Variants in PCDH9 observed in about 807,000 individuals in gnomAD.
The protein encoded by PCDH9 is protocadherin 9.
Under a neutral mutation model 70.6 loss-of-function variants are expected in PCDH9, and 24 were observed. The ratio of observed to expected loss-of-function variants is 0.34; its 90% CI spans 0.25 to 0.48. The LOEUF is 0.48. PCDH9 is among the 20% of genes least tolerant of loss of function. The pLI, the probability that PCDH9 is intolerant of heterozygous loss-of-function variation, is 0.99. For missense variants in PCDH9, 1,281 were observed against 1,503.6 expected (o/e 0.85, Z 2.45); for synonymous variants, 562 against 558.5 (o/e 1.01, Z -0.09).
chr13:66,320,411 A>G (rs977319594), intron 4 of PCDH9, among the ~76,000 whole-genome samples: 1 of 152,010 alleles, frequency 6.6e-6, no homozygotes, highest in African/African-American at 2.4e-5. Flanking sequence ...TTTCTCCCTA[A>G]TAAAAGTGAA....
At chr13:66,494,424 G>A (rs1566368934) in intron 4 of PCDH9, among the ~76,000 whole-genome samples, 1 of 152,150 alleles carries the variant, frequency 6.6e-6, no homozygotes, top group Non-Finnish European at 1.5e-5. Flanking sequence ...AAATCTAATG[G>A]AGGTAGCTTT....
At chr13:67,104,275 G>A (rs193198589) in intron 2 of PCDH9, among the ~76,000 whole-genome samples, 2 of 152,172 alleles carry the variant, frequency 1.3e-5, no homozygotes, top group African/African-American at 2.4e-5. Context: ...TGAACCATTG[G>A]AAACTCAAAT....
At chr13:66,493,401 A>G (rs1959064596) in intron 4 of PCDH9, among the ~76,000 whole-genome samples, 4 of 152,180 alleles carry the variant, frequency 2.6e-5, no homozygotes, top group African/African-American at 9.6e-5. Flanking sequence ...TAACAGTTGT[A>G]TTAGTAAACT....
chr13:66,870,385 A>G (rs1426985184), intron 3 of PCDH9, among the ~76,000 whole-genome samples: 1 of 152,106 alleles, frequency 6.6e-6, no homozygotes, highest in East Asian at 1.9e-4. Context: ...CTTTTGACAA[A>G]TGGGATCTAA....
chr13:67,205,453 A>G (rs1196617066), intron 2 of PCDH9: 1 of 152,192 alleles, frequency 6.6e-6, no homozygotes, highest in Non-Finnish European at 1.5e-5. Context: ...CAAGCTTTGG[A>G]AAATAACTGA....
At chr13:66,472,400 T>C (rs1392023661) in intron 4 of PCDH9, among the ~76,000 whole-genome samples, 1 of 151,302 alleles carries the variant, frequency 6.6e-6, no homozygotes. Context: ...CAAAACCTCA[T>C]CTCTACAAAA....
chr13:66,827,391 C>G (rs897209213), intron 3 of PCDH9, among the ~76,000 whole-genome samples: 1 of 148,538 alleles, frequency 6.7e-6, no homozygotes, highest in Non-Finnish European at 1.5e-5. Context: ...AAAGAGAAAG[C>G]TTAGAGAGGT....
intron 2 of PCDH9, among the ~76,000 whole-genome samples, chr13:67,041,271 ATTGT>A (rs1333400464): frequency 1.6e-4 from 25 of 152,308 alleles, no homozygotes; most frequent in African/African-American, 5.8e-4. Flanking sequence ...AAAACTATGA[ATTGT>A]TTATTTCTGG....
chr13:66,721,921 A>G (rs943044998), intron 3 of PCDH9, among the ~76,000 whole-genome samples: 5 of 152,130 alleles, frequency 3.3e-5, no homozygotes, highest in African/African-American at 9.7e-5. Context: ...CGAGCATCCA[A>G]TTTATAACTT....
chr13:66,666,232 G>C (rs532465027), intron 3 of PCDH9, among the ~76,000 whole-genome samples: 14 of 152,154 alleles, frequency 9.2e-5, no homozygotes, highest in Non-Finnish European at 1.8e-4. Context: ...CTTTTCGCTG[G>C]AGTAGAGAGG....
intron 3 of PCDH9, among the ~76,000 whole-genome samples, chr13:66,730,364 C>T (rs533197052): frequency 4.8e-4 from 73 of 152,216 alleles, no homozygotes; most frequent in Admixed American, 1.0e-3. Flanking sequence ...CTGTCTGTGA[C>T]GAAATGTGGT....
intron 2 of PCDH9, among the ~76,000 whole-genome samples, chr13:67,151,467 G>C (rs1409475663): frequency 6.6e-6 from 1 of 151,984 alleles, no homozygotes; most frequent in African/African-American, 2.4e-5. Flanking sequence ...GGGTTCTACT[G>C]GTAAACTCAG....
intron 3 of PCDH9, among the ~76,000 whole-genome samples, chr13:66,770,816 A>T (rs1265539725): frequency 6.6e-6 from 1 of 152,154 alleles, no homozygotes; most frequent in Non-Finnish European, 1.5e-5. Context: ...TGTCTCTTCA[A>T]GACTATTCTG....
chr13:67,226,618 G>A lies in PCDH9; in HGVS notation c.1823C>T (p.Thr608Ile). Residue 608 changes from threonine (T) to isoleucine (I), a missense_variant, in exon 2 of 5, where the codon ACT becomes ATT. Transcript: ENST00000377865. The surrounding 1 kb of genome is among the most constrained non-coding windows in gnomAD (Gnocchi z 5.0). ...DADAGENKAVTLSILNDNDNF... is the reference protein window; with the variant it reads ...DADAGENKAVILSILNDNDNF... ...ATCATTGTCATTTAGAATGGAAAGA[G>A]TCACAGCTTTATTCTCTCCAGCATC... is the stretch of plus-strand genomic sequence containing the variant. 6.2e-7 allele frequency: 1 copy of A among 1,614,066 alleles called. No individual in the cohort carries two copies. Among genetic ancestry groups the A allele is most frequent in the Non-Finnish European group, 8.5e-7 (1 of 1,179,928 alleles).
At chr13:66,466,010 T>G (rs759154367) in intron 4 of PCDH9, among the ~76,000 whole-genome samples, 45 of 151,946 alleles carry the variant, frequency 3.0e-4, no homozygotes, top group Non-Finnish European at 6.0e-4. Flanking sequence ...TAAAATAAAC[T>G]AAACATTCTC....
chr13:67,063,813 T>C (rs2085587363), intron 2 of PCDH9, among the ~76,000 whole-genome samples: 1 of 152,128 alleles, frequency 6.6e-6, no homozygotes, highest in Admixed American at 6.6e-5. Context: ...GTGCTCAAAG[T>C]AGATATTGTT....
intron 3 of PCDH9, among the ~76,000 whole-genome samples, chr13:66,678,674 G>A (rs1566500284): frequency 1.3e-5 from 2 of 151,848 alleles, no homozygotes; most frequent in Admixed American, 1.3e-4. Flanking sequence ...TATGTGCAAA[G>A]CCAAATACCA....
At chr13:66,818,319 G>A (rs762796928) in intron 3 of PCDH9, among the ~76,000 whole-genome samples, 40 of 152,122 alleles carry the variant, frequency 2.6e-4, no homozygotes, top group Non-Finnish European at 3.4e-4. Flanking sequence ...CTGTTTTTAA[G>A]TGGTGTTTAA....
intron 3 of PCDH9, among the ~76,000 whole-genome samples, chr13:66,818,391 T>A (rs553550663): frequency 1.7e-4 from 26 of 152,322 alleles, no homozygotes; most frequent in Non-Finnish European, 3.4e-4. Context: ...AGAGAAGGAT[T>A]TACTTCAAAT....
Sources: allele counts gnomAD v4.1 joint callset (sites outside exome capture counted in the v4.1 genomes callset), GRCh38; gene constraint gnomAD v4.1.1; non-coding constraint Gnocchi (gnomAD v3.1); transcripts MANE v1.5; gene names NCBI Gene and HGNC (gene_info 2026-07-23, HGNC 2026-07-21).